Variants in TAF3 observed in about 807,000 individuals in gnomAD.
TAF3 encodes the protein TATA-box binding protein associated factor 3.
TAF3 carries 7 observed loss-of-function variants against 80.6 expected under a neutral mutation model. That is an observed-to-expected ratio of 0.09 (90% CI 0.05 to 0.16). The LOEUF (loss-of-function observed/expected upper bound fraction) is 0.16, where lower values mean the gene tolerates loss of function less well. Ranked by LOEUF, TAF3 falls within the 10% of genes least tolerant of loss-of-function variation. The pLI is 1.00. For synonymous variants in TAF3, 444 were observed against 446.1 expected (o/e 1.00, Z 0.06); for missense variants, 921 against 1,140.2 (o/e 0.81, Z 2.77).
At chr10:7,881,140 G>A (rs548158394) in intron 2 of TAF3, among the ~76,000 whole-genome samples, 29 of 151,774 alleles carry the variant, frequency 1.9e-4, no homozygotes, top group African/African-American at 6.8e-4. Context: ...GGAGGCTGAG[G>A]CAGGAGGATC....
chr10:7,849,210 T>C (rs565542541), intron 2 of TAF3, among the ~76,000 whole-genome samples: 36 of 152,226 alleles, frequency 2.4e-4, no homozygotes, highest in Non-Finnish European at 4.6e-4. Flanking sequence ...GGAAATAAAG[T>C]GTAGGGATAA....
rs576354135 is a variant in TAF3, at chr10:7,978,868, A to G, written c.2315+1545A>G. 4.6e-5 allele frequency among the ~76,000 whole-genome samples: 7 copies of G among 152,312 alleles called. No individual in the cohort carries two copies. The South Asian group carries it at 1.5e-3, about 32-fold the overall frequency. On this transcript the variant is annotated intron_variant, in intron 4 of 6. Coordinates refer to ENST00000344293, the MANE Select transcript of TAF3 (RefSeq NM_031923.4). ...TGGCTTGCTCATACCCTTTAGAGGA[A>G]TAAGATTTGTTAAAAGGCATTGAAA...
intron 2 of TAF3, among the ~76,000 whole-genome samples, chr10:7,922,427 G>A (rs572167033): frequency 1.7e-4 from 26 of 152,110 alleles, no homozygotes; most frequent in Non-Finnish European, 3.1e-4. Flanking sequence ...TCTCTTTTCT[G>A]TAAAACATAG....
rs115419206 is a variant in TAF3, at chr10:7,967,341, A to C, written c.2232+1599A>C. 8.5e-3 allele frequency among the ~76,000 whole-genome samples: 1,302 copies of C among 152,358 alleles called. 20 individuals carry two copies. Among genetic ancestry groups the C allele is most frequent in the African/African-American group, 0.029 (1,220 of 41,584 alleles). On this transcript the variant is annotated intron_variant, in intron 3 of 6. Coordinates refer to ENST00000344293, the MANE Select transcript of TAF3 (RefSeq NM_031923.4). ...GGAAAGTCAGTGGAGTTGTTTCAAC[A>C]GCCATTATGAATTTGAGTGAAGCCA...
At chr10:7,821,715 G>A (rs905342844) in intron 1 of TAF3, among the ~76,000 whole-genome samples, 3 of 152,200 alleles carry the variant, frequency 2.0e-5, no homozygotes, top group Non-Finnish European at 4.4e-5. Flanking sequence ...CTTTCAGACT[G>A]ACTCTTCAAC....
intron 2 of TAF3, among the ~76,000 whole-genome samples, chr10:7,941,187 T>G (rs1837972642): frequency 1.3e-5 from 2 of 152,312 alleles, no homozygotes; most frequent in South Asian, 4.1e-4. Context: ...TCAGGAGGAT[T>G]AATCCAGCAA....
At chr10:7,836,262 G>A (rs1409073578) in intron 2 of TAF3, among the ~76,000 whole-genome samples, 1 of 150,758 alleles carries the variant, frequency 6.6e-6, no homozygotes, top group African/African-American at 2.4e-5. Context: ...ACCAGTTGCA[G>A]TTGGCCATTT....
intron 2 of TAF3, among the ~76,000 whole-genome samples, chr10:7,932,252 A>G (rs556207761): frequency 3.9e-5 from 6 of 152,328 alleles, no homozygotes; most frequent in African/African-American, 1.4e-4. Context: ...ACTAAAGGGT[A>G]GTGTCAGTTT....
At chr10:7,860,290 GAAAAA>G (rs928520189) in intron 2 of TAF3, among the ~76,000 whole-genome samples, 9 of 135,794 alleles carry the variant, frequency 6.6e-5, no homozygotes, top group African/African-American at 2.4e-4. Context: ...AAAAAAAGAA[GAAAAA>G]AAAAAAGAAA....
intron 2 of TAF3, among the ~76,000 whole-genome samples, chr10:7,828,910 G>A (rs973990676): frequency 1.1e-4 from 15 of 138,482 alleles, no homozygotes; most frequent in African/African-American, 4.1e-4. Context: ...GGTGCCTGTA[G>A]TCCCAGCTAC....
intron 2 of TAF3, among the ~76,000 whole-genome samples, chr10:7,836,722 A>G (rs1836855486): frequency 6.6e-6 from 1 of 152,200 alleles, no homozygotes; most frequent in Non-Finnish European, 1.5e-5. Context: ...TAATTCTGCT[A>G]ATTTTCTTTC....
chr10:7,908,812 G>T (rs1309213392), intron 2 of TAF3, among the ~76,000 whole-genome samples: 1 of 152,260 alleles, frequency 6.6e-6, no homozygotes, highest in Non-Finnish European at 1.5e-5. Context: ...ATGAAGAGCT[G>T]CCTGTCTCCC....
At chr10:7,926,873 C>T (rs1837820736) in intron 2 of TAF3, among the ~76,000 whole-genome samples, 1 of 152,064 alleles carries the variant, frequency 6.6e-6, no homozygotes, top group Non-Finnish European at 1.5e-5. Context: ...CTTTTTGTAG[C>T]ATTTTAGTAT....
intron 1 of TAF3, 45 bp downstream of exon 1, chr10:7,818,920 G>C (rs779591617): frequency 2.9e-6 from 4 of 1,363,266 alleles, no homozygotes; most frequent in Non-Finnish European, 3.8e-6. Context: ...GGCAAGTCAA[G>C]GGTGACACCT....
chr10:7,989,093 T>C (rs1831808246), intron 4 of TAF3, among the ~76,000 whole-genome samples: 1 of 152,182 alleles, frequency 6.6e-6, no homozygotes, highest in South Asian at 2.1e-4. Flanking sequence ...TCAAAGCATG[T>C]GATCTACCAA....
At chr10:7,846,000 C>G (rs931439069) in intron 2 of TAF3, among the ~76,000 whole-genome samples, 10 of 149,628 alleles carry the variant, frequency 6.7e-5, no homozygotes, top group African/African-American at 2.2e-4. Flanking sequence ...CGCCTGTCAC[C>G]CAGGCTGGAG....
At chr10:7,832,894 CTT>C (rs1192836541) in intron 2 of TAF3, among the ~76,000 whole-genome samples, 1 of 152,126 alleles carries the variant, frequency 6.6e-6, no homozygotes, top group African/African-American at 2.4e-5. Flanking sequence ...CAGTTATACT[CTT>C]TTAGTTATTT....
At chr10:8,008,280 G>T (rs1255135440) in intron 4 of TAF3, among the ~76,000 whole-genome samples, 1 of 151,786 alleles carries the variant, frequency 6.6e-6, no homozygotes, top group East Asian at 1.9e-4. Context: ...GTATTTTTTA[G>T]TAGAGACGGT....
chr10:7,930,660 A>C (rs956208918), intron 2 of TAF3, among the ~76,000 whole-genome samples: 1 of 152,164 alleles, frequency 6.6e-6, no homozygotes, highest in Non-Finnish European at 1.5e-5. Flanking sequence ...AATATTTTTA[A>C]GCGCCATTTG....
Sources: allele counts gnomAD v4.1 joint callset (sites outside exome capture counted in the v4.1 genomes callset), GRCh38; gene constraint gnomAD v4.1.1; transcripts MANE v1.5; gene names NCBI Gene and HGNC (gene_info 2026-07-23, HGNC 2026-07-21).